ZMAT4: variants seen among roughly 807,000 people sequenced by gnomAD.
The protein encoded by ZMAT4 is zinc finger matrin-type 4, also known as zinc finger matrin-type protein 4.
In ZMAT4, 17 loss-of-function variants were observed where a neutral mutation model predicts 28.7. The observed-to-expected ratio is 0.59, with a 90% CI of 0.41 to 0.89. The LOEUF (loss-of-function observed/expected upper bound fraction) is 0.89. Among genes scored for constraint, ZMAT4 ranks in the 40% least tolerant of loss-of-function variants. The pLI is 0.00. For synonymous variants in ZMAT4, 117 were observed against 109.2 expected, an observed-to-expected ratio of 1.07 and a Z score of -0.44; for missense variants, 240 against 283.8, an observed-to-expected ratio of 0.85 and a Z score of 1.11.
intron 1 of ZMAT4, among the ~76,000 whole-genome samples, chr8:40,833,702 C>T (rs1045867679): frequency 1.3e-5 from 2 of 152,134 alleles, no homozygotes; most frequent in South Asian, 2.1e-4. Context: ...ATTCACACAC[C>T]ACCTGGGTCG....
intron 5 of ZMAT4, among the ~76,000 whole-genome samples, chr8:40,655,586 C>T (rs562480497): frequency 1.6e-4 from 24 of 148,536 alleles, no homozygotes; most frequent in Admixed American, 2.7e-4. Context: ...CAAGATTGTG[C>T]GGTGTTGCAG....
intron 4 of ZMAT4, among the ~76,000 whole-genome samples, chr8:40,681,881 T>TAA (rs964453103): frequency 1.4e-5 from 2 of 147,026 alleles, no homozygotes; most frequent in African/African-American, 5.0e-5. Flanking sequence ...CATGCAGAAA[T>TAA]AAAAAAAAAA....
At chr8:40,871,003 A>G (rs763872417) in intron 1 of ZMAT4, among the ~76,000 whole-genome samples, 10 of 152,174 alleles carry the variant, frequency 6.6e-5, no homozygotes, top group East Asian at 1.9e-4. Context: ...AGCAAGCCCC[A>G]TAACCTCTTC....
At chr8:40,575,416 G>A (rs1045234608) in intron 6 of ZMAT4, among the ~76,000 whole-genome samples, 1 of 152,048 alleles carries the variant, frequency 6.6e-6, no homozygotes, top group South Asian at 2.1e-4. Flanking sequence ...CAGTCTCAGA[G>A]CCAGCTGACC....
intron 6 of ZMAT4, among the ~76,000 whole-genome samples, chr8:40,553,425 T>C (rs1282912676): frequency 6.6e-6 from 1 of 152,192 alleles, no homozygotes; most frequent in Non-Finnish European, 1.5e-5. Flanking sequence ...GAGGGTGGCA[T>C]ACTGCATTTC....
intron 2 of ZMAT4, among the ~76,000 whole-genome samples, chr8:40,816,921 C>A (rs1057397559): frequency 1.3e-5 from 2 of 152,174 alleles, no homozygotes; most frequent in Non-Finnish European, 2.9e-5. Flanking sequence ...GACATCCAAC[C>A]ATGAGAGACG....
chr8:40,866,323 G>A (rs903451579), intron 1 of ZMAT4, among the ~76,000 whole-genome samples: 1 of 152,198 alleles, frequency 6.6e-6, no homozygotes, highest in African/African-American at 2.4e-5. Context: ...GGCTGGCACT[G>A]GGACGCCCCA....
At chr8:40,737,987 G>A (rs1396202626) in intron 3 of ZMAT4, among the ~76,000 whole-genome samples, 1 of 152,058 alleles carries the variant, frequency 6.6e-6, no homozygotes, top group Non-Finnish European at 1.5e-5. Context: ...GCTGGCAAAA[G>A]ACTGGTCTAA....
chr8:40,598,174 A>G (rs1324062817), intron 5 of ZMAT4, among the ~76,000 whole-genome samples: 1 of 152,216 alleles, frequency 6.6e-6, no homozygotes, highest in African/African-American at 2.4e-5. Flanking sequence ...AAAGTAATGC[A>G]CAATGTGTAT....
chr8:40,808,994 A>G (rs1021041755), intron 2 of ZMAT4, among the ~76,000 whole-genome samples: 1 of 152,204 alleles, frequency 6.6e-6, no homozygotes, highest in African/African-American at 2.4e-5. Context: ...TTATTCTGTC[A>G]AAAAGACACA....
At chr8:40,841,447 C>T (rs1015039330) in intron 1 of ZMAT4, among the ~76,000 whole-genome samples, 2 of 152,204 alleles carry the variant, frequency 1.3e-5, no homozygotes, top group African/African-American at 4.8e-5. Context: ...AAATGCTAGA[C>T]TGTGTTCTCT....
At chr8:40,568,676 C>T (rs1027778178) in intron 6 of ZMAT4, among the ~76,000 whole-genome samples, 1 of 152,028 alleles carries the variant, frequency 6.6e-6, no homozygotes, top group African/African-American at 2.4e-5. Context: ...TGGGTAGGTA[C>T]TTTTTATAAC....
chr8:40,600,620 G>A (rs893732688), intron 5 of ZMAT4, among the ~76,000 whole-genome samples: 1 of 152,210 alleles, frequency 6.6e-6, no homozygotes, highest in East Asian at 1.9e-4. Flanking sequence ...AGTCACACTT[G>A]CTATAATCTG....
chr8:40,763,476 C>T (rs930667806), intron 3 of ZMAT4, among the ~76,000 whole-genome samples: 9 of 152,254 alleles, frequency 5.9e-5, no homozygotes, highest in Non-Finnish European at 1.3e-4. Context: ...GCATTTAGAA[C>T]ACGTGTGGAA....
At chr8:40,807,136 G>GAAAA (rs374114091) in intron 2 of ZMAT4, among the ~76,000 whole-genome samples, 1 of 68,952 alleles carries the variant, frequency 1.5e-5, no homozygotes, top group African/African-American at 5.1e-5. Flanking sequence ...GTGGGGTGAG[G>GAAAA]ACAAAAAAAA....
chr8:40,701,410 A>G (rs949303324), intron 3 of ZMAT4, among the ~76,000 whole-genome samples: 1 of 151,916 alleles, frequency 6.6e-6, no homozygotes, highest in African/African-American at 2.4e-5. Context: ...TTAGTGAGAT[A>G]CTTTACAAAA....
rs527928829 is a variant in ZMAT4, at chr8:40,575,309, A to G, written c.674+5856T>C. On this transcript the variant is annotated intron_variant, in intron 6 of 6. Transcript: ENST00000297737. ...CCCAGCCAGAGAAACACAATTGTGG[A>G]CCCACCCCAAGAAGATACAGCCCTG... 2.0e-5 allele frequency among the ~76,000 whole-genome samples: 3 copies of G among 152,212 alleles called. No individual in the cohort carries two copies. The South Asian group carries it at 6.2e-4, about 32-fold the overall frequency.
At chr8:40,670,789 C>T (rs913994524) in intron 5 of ZMAT4, among the ~76,000 whole-genome samples, 1 of 152,146 alleles carries the variant, frequency 6.6e-6, no homozygotes, top group African/African-American at 2.4e-5. Flanking sequence ...TACTTGACGG[C>T]AGGGTGTGGT....
chr8:40,653,999 A>C (rs920134020), intron 5 of ZMAT4, among the ~76,000 whole-genome samples: 2 of 152,180 alleles, frequency 1.3e-5, no homozygotes, highest in Non-Finnish European at 2.9e-5. Flanking sequence ...GAGATCTGTT[A>C]GCACAAAATC....
Sources: allele counts gnomAD v4.1 joint callset (sites outside exome capture counted in the v4.1 genomes callset), GRCh38; gene constraint gnomAD v4.1.1; transcripts MANE v1.5; gene names NCBI Gene and HGNC (gene_info 2026-07-23, HGNC 2026-07-21).